The following TMC1 variants were observed in gnomAD, a reference collection of about 807,000 sequenced individuals.
The protein encoded by TMC1 is transmembrane channel like 1.
In TMC1, 84 loss-of-function variants were observed where a neutral mutation model predicts 105.8. That is an observed-to-expected ratio of 0.79 (90% CI 0.67 to 0.95). The LOEUF (loss-of-function observed/expected upper bound fraction) is 0.95. Ranked by LOEUF, TMC1 falls within the 40% of genes least tolerant of loss-of-function variation. The pLI, the probability that TMC1 is intolerant of heterozygous loss-of-function variation, is 0.00. For synonymous variants in TMC1, 315 were observed against 311.5 expected (o/e 1.01, Z -0.12); for missense variants, 817 against 914.1 (o/e 0.89, Z 1.37).
At chr9:72,796,416 A>G (rs1828369802) in intron 17 of TMC1, among the ~76,000 whole-genome samples, 1 of 152,162 alleles carries the variant, frequency 6.6e-6, no homozygotes, top group African/African-American at 2.4e-5. Flanking sequence ...CAGAGACACA[A>G]CAAAAAAAGA....
chr9:72,657,843 C>T (rs1310357618), intron 5 of TMC1, among the ~76,000 whole-genome samples: 1 of 152,188 alleles, frequency 6.6e-6, no homozygotes, highest in Non-Finnish European at 1.5e-5. Context: ...GAAGCCAAAT[C>T]TCTTAAGCTC....
chr9:72,560,627 T>C (rs1006804915), intron 1 of TMC1, among the ~76,000 whole-genome samples: 2 of 152,142 alleles, frequency 1.3e-5, no homozygotes, highest in East Asian at 1.9e-4. Flanking sequence ...GCCTCCTAAA[T>C]AGCTGGGACT....
At chr9:72,665,581 GA>G (rs1306548668) in intron 5 of TMC1, among the ~76,000 whole-genome samples, 1 of 152,190 alleles carries the variant, frequency 6.6e-6, no homozygotes, top group East Asian at 1.9e-4. Flanking sequence ...TGGATGGGTG[GA>G]AGCCCTGGCA....
intron 19 of TMC1, chr9:72,818,669 G>A (rs916587916): frequency 6.6e-6 from 1 of 152,066 alleles, no homozygotes; most frequent in Non-Finnish European, 1.5e-5. Flanking sequence ...CATTTTCTTT[G>A]ATCTTCCAGG....
intron 1 of TMC1, among the ~76,000 whole-genome samples, chr9:72,565,250 C>T (rs1017522900): frequency 3.3e-5 from 5 of 152,144 alleles, no homozygotes; most frequent in South Asian, 2.1e-4. Flanking sequence ...TCCTTACCCT[C>T]GGCAGAAACA....
intron 14 of TMC1, among the ~76,000 whole-genome samples, chr9:72,788,706 G>A (rs1361239025): frequency 1.3e-5 from 2 of 151,946 alleles, no homozygotes; most frequent in African/African-American, 4.8e-5. Flanking sequence ...TCTAAATCTG[G>A]TAATAAAATA....
At chr9:72,540,796 C>A (rs1823661979) in intron 1 of TMC1, among the ~76,000 whole-genome samples, 1 of 152,158 alleles carries the variant, frequency 6.6e-6, no homozygotes, top group Non-Finnish European at 1.5e-5. Flanking sequence ...TGAAACTCAG[C>A]ATGACAACAT....
intron 1 of TMC1, among the ~76,000 whole-genome samples, chr9:72,567,616 G>A (rs1824186762): frequency 6.6e-6 from 1 of 152,114 alleles, no homozygotes; most frequent in African/African-American, 2.4e-5. Context: ...GATCTCATGA[G>A]ACTCACTCAC....
Position 72,825,175 on chromosome 9 carries a change from C to A in TMC1, c.2004-1694C>A, listed in dbSNP as rs116221130. Reference sequence around the variant, plus strand: ...GAATGAATAATGACTGCTTATTGTGCACTAAGCACTAGAAGAGACACAGGG... The same window carrying A: ...GAATGAATAATGACTGCTTATTGTGAACTAAGCACTAGAAGAGACACAGGG... On this transcript the variant is annotated intron_variant, in intron 20 of 23. Transcript: ENST00000297784. 5.7e-3 allele frequency among the ~76,000 whole-genome samples: 868 copies of A among 152,220 alleles called. 6 individuals are homozygous for A. Among genetic ancestry groups the A allele is most frequent in the African/African-American group, 0.02 (831 of 41,522 alleles).
chr9:72,566,214 G>A (rs1824150088), intron 1 of TMC1, among the ~76,000 whole-genome samples: 1 of 152,102 alleles, frequency 6.6e-6, no homozygotes, highest in African/African-American at 2.4e-5. Flanking sequence ...TGTGGAGATG[G>A]GAGATGGGAG....
At chr9:72,659,699 T>C (rs947087182) in intron 5 of TMC1, among the ~76,000 whole-genome samples, 1 of 152,226 alleles carries the variant, frequency 6.6e-6, no homozygotes, top group Non-Finnish European at 1.5e-5. Flanking sequence ...TTTAAACAAA[T>C]ATCCTTCATG....
intron 10 of TMC1, among the ~76,000 whole-genome samples, chr9:72,743,491 C>T (rs996479748): frequency 2.1e-4 from 31 of 149,098 alleles, no homozygotes; most frequent in Non-Finnish European, 4.3e-4. Context: ...CACTTGAACC[C>T]GAGAGGCGGA....
chr9:72,572,071 G>C (rs1250789167), intron 1 of TMC1, among the ~76,000 whole-genome samples: 2 of 152,130 alleles, frequency 1.3e-5, no homozygotes, highest in East Asian at 3.9e-4. Flanking sequence ...CCCAACCTCA[G>C]GTGATCTGCC....
chr9:72,713,716 G>C (rs995360954), intron 8 of TMC1, among the ~76,000 whole-genome samples: 2 of 150,644 alleles, frequency 1.3e-5, no homozygotes, highest in Non-Finnish European at 3.0e-5. Flanking sequence ...GCCAGCTCCT[G>C]GATTCATTGA....
intron 2 of TMC1, among the ~76,000 whole-genome samples, chr9:72,578,879 A>G (rs1039728402): frequency 1.3e-5 from 2 of 152,182 alleles, no homozygotes; most frequent in African/African-American, 4.8e-5. Flanking sequence ...TGAATGGGGC[A>G]TCTCAGAATC....
chr9:72,831,901 T>G (rs1829048216), intron 23 of TMC1, among the ~76,000 whole-genome samples: 2 of 151,896 alleles, frequency 1.3e-5, no homozygotes, highest in Non-Finnish European at 2.9e-5. Context: ...TAAACATACG[T>G]GTGCATGTGT....
At chr9:72,549,080 C>T (rs1823817574) in intron 1 of TMC1, among the ~76,000 whole-genome samples, 1 of 152,150 alleles carries the variant, frequency 6.6e-6, no homozygotes, top group South Asian at 2.1e-4. Context: ...AACAATAAAT[C>T]TTCAGAGATC....
intron 7 of TMC1, among the ~76,000 whole-genome samples, chr9:72,698,535 G>A (rs1003887330): frequency 1.1e-4 from 17 of 152,236 alleles, no homozygotes; most frequent in Admixed American, 5.2e-4. Context: ...TATCTAGTGA[G>A]GGGAGAAACT....
At position 72,648,655 on chromosome 9, in the gene TMC1, C is replaced by A. The variant is rs569626109; in HGVS notation, c.7C>A (p.Pro3Thr). Residue 3 changes from proline (P) to threonine (T), a missense_variant, in exon 5 of 24, where the codon CCC becomes ACC. By Grantham distance (38) the Pro-to-Thr change is conservative. Coordinates refer to ENST00000297784, the MANE Select transcript of TMC1 (RefSeq NM_138691.3). ...CTGACAGGACACCCCCAGGATGTCACCCAAAAAAGGTATTTACAAAATCAA... is the reference window on the plus strand; with the variant it reads ...CTGACAGGACACCCCCAGGATGTCAACCAAAAAAGGTATTTACAAAATCAA... MSPKKVQIKVEEK... is the reference protein window; with the variant it reads MSTKKVQIKVEEK... 48 of 1,613,084 alleles carry A rather than the reference C, an allele frequency of 3.0e-5. 1 individual carries two copies. The South Asian group carries it at 5.2e-4, about 17-fold the overall frequency.
Sources: gnomAD v4.1 joint callset for allele counts (sites outside exome capture counted in the v4.1 genomes callset) on GRCh38, gnomAD v4.1.1 for gene constraint, MANE v1.5 for transcripts, NCBI Gene and HGNC (gene_info 2026-07-23, HGNC 2026-07-21) for gene names.